The following ELOVL6 variants were observed in gnomAD, a reference collection of about 807,000 sequenced individuals.
ELOVL6 encodes the protein very long chain fatty acid elongase 6.
ELOVL6 carries 8 observed loss-of-function variants against 31.7 expected under a neutral mutation model. The observed-to-expected ratio is 0.25, with a 90% CI of 0.15 to 0.45. ELOVL6 has a LOEUF of 0.45. ELOVL6 is among the 20% of genes least tolerant of loss of function. The probability of loss-of-function intolerance (pLI) is 1.00; values close to 1 mark genes in which losing one functional copy is unlikely to be tolerated. For missense variants in ELOVL6, 126 were observed against 326.4 expected (o/e 0.39, Z 4.73); for synonymous variants, 101 against 117.7 (o/e 0.86, Z 0.92).
At chr4:110,166,408 C>G (rs1470164414) in intron 1 of ELOVL6, among the ~76,000 whole-genome samples, 1 of 152,020 alleles carries the variant, frequency 6.6e-6, no homozygotes, top group Non-Finnish European at 1.5e-5. Flanking sequence ...GTCAAGAGAT[C>G]GAGACCATCC....
At chr4:110,181,398 A>C (rs1477004364) in intron 1 of ELOVL6, among the ~76,000 whole-genome samples, 2 of 151,960 alleles carry the variant, frequency 1.3e-5, no homozygotes, top group African/African-American at 4.8e-5. Flanking sequence ...CAGTAAACCA[A>C]GATCGCACCT....
At chr4:110,169,246 T>TTG (rs1758872091) in intron 1 of ELOVL6, among the ~76,000 whole-genome samples, 1 of 149,778 alleles carries the variant, frequency 6.7e-6, no homozygotes, top group South Asian at 2.1e-4. Flanking sequence ...TTGTTTTGTT[T>TTG]TTTTTTTTTT....
intron 3 of ELOVL6, among the ~76,000 whole-genome samples, chr4:110,052,126 T>C (rs747787039): frequency 1.4e-4 from 22 of 152,230 alleles, no homozygotes; most frequent in Non-Finnish European, 2.2e-4. Flanking sequence ...TTAACAACTA[T>C]GTTGCCAACT....
chr4:110,117,918 A>C (rs1156740268), intron 1 of ELOVL6: 1 of 27,158 alleles, frequency 3.7e-5, no homozygotes, highest in Non-Finnish European at 6.3e-5. Flanking sequence ...ATATATATAT[A>C]TATATATCTC....
At chr4:110,188,686 G>C (rs1017577482) in intron 1 of ELOVL6, among the ~76,000 whole-genome samples, 5 of 151,814 alleles carry the variant, frequency 3.3e-5, no homozygotes, top group African/African-American at 1.2e-4. Context: ...TTAGGAGTTC[G>C]AGACCAGCCT....
intron 1 of ELOVL6, among the ~76,000 whole-genome samples, chr4:110,137,951 G>A (rs10018482): frequency 0.026 from 3,946 of 152,066 alleles, 171 homozygotes; most frequent in African/African-American, 0.09. Context: ...AAGAAAACTG[G>A]GGCTCAAAAA....
chr4:110,061,234 C>A (rs1755128431), intron 2 of ELOVL6, among the ~76,000 whole-genome samples: 1 of 152,150 alleles, frequency 6.6e-6, no homozygotes, highest in Non-Finnish European at 1.5e-5. Flanking sequence ...GCCTCTCTCT[C>A]CCCATTCTCC....
intron 1 of ELOVL6, among the ~76,000 whole-genome samples, chr4:110,135,373 A>G (rs1235085603): frequency 6.6e-6 from 1 of 152,218 alleles, no homozygotes; most frequent in Non-Finnish European, 1.5e-5. Flanking sequence ...GTAAGTTTGC[A>G]TAACTTGTAA....
intron 1 of ELOVL6, among the ~76,000 whole-genome samples, chr4:110,130,420 T>C (rs1245149499): frequency 1.3e-5 from 2 of 152,158 alleles, no homozygotes; most frequent in African/African-American, 4.8e-5. Flanking sequence ...GTCAGTACCA[T>C]AAGACAGCGG....
At chr4:110,053,154 A>G (rs1754879734) in intron 3 of ELOVL6, among the ~76,000 whole-genome samples, 1 of 152,200 alleles carries the variant, frequency 6.6e-6, no homozygotes, top group Non-Finnish European at 1.5e-5. Flanking sequence ...AGCTCAAGCT[A>G]TCCACCAGCC....
At position 110,153,501 on chromosome 4, in the gene ELOVL6, G is replaced by A. The variant is rs191517151; in HGVS notation, c.89+44746C>T. On this transcript the variant is annotated intron_variant, in intron 1 of 3. Transcript: ENST00000302274. ...AAATTGCCACAGTTACAGATGATGA[G>A]AAATGTACTTATTGACATAAAATCC... is the stretch of plus-strand genomic sequence containing the variant. Among the ~76,000 whole-genome samples, 611 of 152,174 alleles carry A rather than the reference G, an allele frequency of 4.0e-3. 24 individuals are homozygous for A. Among genetic ancestry groups the A allele is most frequent in the East Asian group, 4.2e-3 (22 of 5,190 alleles).
chr4:110,198,696 T>A (rs545924967), upstream of ELOVL6: 1 of 200,940 alleles, frequency 5.0e-6, no homozygotes, highest in Middle Eastern at 1.9e-3. Context: ...AAATTAACCC[T>A]TGGCGAGGGA....
At chr4:110,084,145 T>C (rs1473418258) in intron 2 of ELOVL6, among the ~76,000 whole-genome samples, 2 of 105,814 alleles carry the variant, frequency 1.9e-5, no homozygotes, top group Non-Finnish European at 3.4e-5. Flanking sequence ...ATGATATATA[T>C]GATATATATA....
chr4:110,174,289 G>C (rs1416228316), intron 1 of ELOVL6, among the ~76,000 whole-genome samples: 5 of 151,228 alleles, frequency 3.3e-5, no homozygotes, highest in Admixed American at 2.6e-4. Flanking sequence ...TCAGCCTCCT[G>C]AGTACCTGAG....
intron 1 of ELOVL6, among the ~76,000 whole-genome samples, chr4:110,132,244 A>T (rs1200861589): frequency 6.6e-6 from 1 of 152,110 alleles, no homozygotes; most frequent in Admixed American, 6.6e-5. Flanking sequence ...GGCAATGTGA[A>T]GGGCAGATGG....
intron 1 of ELOVL6, among the ~76,000 whole-genome samples, chr4:110,134,057 A>C (rs1381893959): frequency 2.0e-5 from 3 of 152,236 alleles, no homozygotes; most frequent in African/African-American, 7.2e-5. Flanking sequence ...ACTTGTGCTC[A>C]TGAAGCCTAC....
chr4:110,087,762 G>T (rs1262324115), intron 2 of ELOVL6, among the ~76,000 whole-genome samples: 3 of 149,524 alleles, frequency 2.0e-5, no homozygotes, highest in African/African-American at 7.4e-5. Context: ...GAATGAAGGA[G>T]TAATTTTTTT....
rs114030827 is a variant in ELOVL6, at chr4:110,064,577, C to T, written c.222-4823G>A. On this transcript the variant is annotated intron_variant, in intron 2 of 3. Transcript: ENST00000302274. ...CTCCTGGACTCAAGTGATCCTCCTG[C>T]CTCAGCTTCCCAAGTAGCTAGGATT... Among the ~76,000 whole-genome samples the T allele has an allele frequency of 7.0e-3, 1,073 of 152,218 alleles. 6 individuals are homozygous for T. Among genetic ancestry groups the T allele is most frequent in the Admixed American group, 0.015 (229 of 15,288 alleles).
intron 2 of ELOVL6, among the ~76,000 whole-genome samples, chr4:110,072,527 A>G (rs1172079057): frequency 1.3e-5 from 2 of 152,142 alleles, no homozygotes; most frequent in Non-Finnish European, 2.9e-5. Context: ...TTTATCTGCC[A>G]GGTGAAACTC....
Sources: gnomAD v4.1 joint callset for allele counts (sites outside exome capture counted in the v4.1 genomes callset) on GRCh38, gnomAD v4.1.1 for gene constraint, MANE v1.5 for transcripts, NCBI Gene and HGNC (gene_info 2026-07-23, HGNC 2026-07-21) for gene names.